ZNF609: variants seen among roughly 807,000 people sequenced by gnomAD.
ZNF609 encodes the protein zinc finger protein 609.
In ZNF609, 11 loss-of-function variants were observed where a neutral mutation model predicts 109.5. The observed-to-expected ratio is 0.10, with a 90% confidence interval of 0.06 to 0.17. The LOEUF (loss-of-function observed/expected upper bound fraction) is 0.17, where lower values mean the gene tolerates loss of function less well. Ranked by LOEUF, ZNF609 falls within the 10% of genes least tolerant of loss-of-function variation. The pLI, the probability that ZNF609 is intolerant of heterozygous loss-of-function variation, is 1.00. For synonymous variants in ZNF609, 646 were observed against 662.0 expected (o/e 0.98, Z 0.37); for missense variants, 1,559 against 1,772.4 (o/e 0.88, Z 2.16).
intron 2 of ZNF609, among the ~76,000 whole-genome samples, chr15:64,512,654 G>A (rs1893749831): frequency 6.6e-6 from 1 of 151,978 alleles, no homozygotes; most frequent in Admixed American, 6.6e-5. Context: ...CTTTGTTGTT[G>A]ATTTTTTTTA....
intron 4 of ZNF609, among the ~76,000 whole-genome samples, chr15:64,670,977 A>G (rs1442138567): frequency 6.6e-6 from 1 of 151,854 alleles, no homozygotes; most frequent in Non-Finnish European, 1.5e-5. Context: ...TGGGAGGCCA[A>G]GGCGGGTGGA....
intron 2 of ZNF609, among the ~76,000 whole-genome samples, chr15:64,609,921 G>A (rs562385046): frequency 4.6e-5 from 7 of 151,708 alleles, no homozygotes; most frequent in Admixed American, 2.6e-4. Flanking sequence ...CCAGCTGCTC[G>A]GGAGGCTGAG....
intron 3 of ZNF609, among the ~76,000 whole-genome samples, chr15:64,658,148 C>G (rs1234960976): frequency 1.3e-5 from 2 of 152,172 alleles, no homozygotes; most frequent in Non-Finnish European, 2.9e-5. Flanking sequence ...TTATGTGTAG[C>G]AGTTCTTATA....
chr15:64,550,586 C>G (rs1481075428), intron 2 of ZNF609, among the ~76,000 whole-genome samples: 1 of 151,856 alleles, frequency 6.6e-6, no homozygotes, highest in Non-Finnish European at 1.5e-5. Context: ...GTGACTCATG[C>G]CTGTAATCCC....
intron 2 of ZNF609, among the ~76,000 whole-genome samples, chr15:64,610,433 C>T (rs1895698338): frequency 6.6e-6 from 1 of 152,086 alleles, no homozygotes; most frequent in Non-Finnish European, 1.5e-5. Context: ...ACCCCAGTGA[C>T]AGTTTACCTG....
At chr15:64,658,475 G>A (rs1012740495) in intron 3 of ZNF609, among the ~76,000 whole-genome samples, 2 of 152,004 alleles carry the variant, frequency 1.3e-5, no homozygotes, top group African/African-American at 4.8e-5. Context: ...GGGATTACAG[G>A]TGTGAGCCAC....
At chr15:64,466,059 T>C (rs939398221) in intron 1 of ZNF609, among the ~76,000 whole-genome samples, 4 of 131,142 alleles carry the variant, frequency 3.1e-5, no homozygotes, top group Non-Finnish European at 6.1e-5. Flanking sequence ...GAGGTTGCAG[T>C]GAGCTGAGAT....
chr15:64,677,996 T>C, intron 5 of ZNF609, 120 bp from the exon 6 acceptor site: 2 of 1,366,156 alleles, frequency 1.5e-6, no homozygotes. Context: ...GCCAAAATCC[T>C]ACTCTGCCCC....
At chr15:64,606,918 C>T (rs982714501) in intron 2 of ZNF609, among the ~76,000 whole-genome samples, 3 of 151,770 alleles carry the variant, frequency 2.0e-5, no homozygotes, top group Non-Finnish European at 2.9e-5. Flanking sequence ...CCGAGGCTGG[C>T]GGATCACCCT....
At chr15:64,648,185 G>C (rs977861441) in intron 3 of ZNF609, among the ~76,000 whole-genome samples, 1 of 152,108 alleles carries the variant, frequency 6.6e-6, no homozygotes, top group Non-Finnish European at 1.5e-5. Flanking sequence ...GTGAGGCAGC[G>C]TAGTTAAAAA....
intron 2 of ZNF609, among the ~76,000 whole-genome samples, chr15:64,594,996 C>T (rs1396758003): frequency 2.3e-5 from 3 of 132,018 alleles, no homozygotes; most frequent in South Asian, 2.4e-4. Context: ...AGCGAGGCTC[C>T]GTCTCAAAAA....
intron 1 of ZNF609, among the ~76,000 whole-genome samples, chr15:64,480,841 A>C (rs1893241652): frequency 1.3e-5 from 2 of 152,220 alleles, no homozygotes; most frequent in Non-Finnish European, 1.5e-5. Context: ...AAATTAGGTC[A>C]GATAGTAATA....
Position 64,670,409 on chromosome 15 carries a change from C to T in ZNF609, c.1037C>T (p.Thr346Ile). ...TATGTAGGTACACTCCTTGACTGCACACGACATGATTGGGCACCCCCAAGG... is the reference window on the plus strand; with the variant it reads ...TATGTAGGTACACTCCTTGACTGCATACGACATGATTGGGCACCCCCAAGG... ...KTYVGTLLDC[T>I]RHDWAPPRFC... is the part of the protein sequence containing the mutation. Residue 346 changes from threonine (T) to isoleucine (I), a missense_variant, in exon 4 of 10, where the codon ACA (threonine) becomes ATA (isoleucine). This residue lies in a region of ZNF609 where 38 missense variants were observed against 82.1 expected (regional missense o/e 0.46). Transcript: ENST00000326648. 1.2e-6 allele frequency: 2 copies of T among 1,614,144 alleles called. No homozygotes were observed. Among genetic ancestry groups the T allele is most frequent in the Non-Finnish European group, 1.7e-6 (2 of 1,179,992 alleles).
chr15:64,672,628 A>G (rs1276603754), intron 4 of ZNF609, among the ~76,000 whole-genome samples: 1 of 148,280 alleles, frequency 6.7e-6, no homozygotes, highest in Non-Finnish European at 1.5e-5. Flanking sequence ...CCATCTCAAA[A>G]AAAAAAAAAG....
chr15:64,534,505 G>C (rs1034302728), intron 2 of ZNF609, among the ~76,000 whole-genome samples: 11 of 151,930 alleles, frequency 7.2e-5, no homozygotes, highest in African/African-American at 2.7e-4. Context: ...AGTAAAGATG[G>C]GGTTTCACCG....
rs776853566 is a variant in ZNF609 at position 64,680,740 on chromosome 15, G to A, written c.4040G>A (p.Gly1347Asp). ...AGCAGCGTCGGGGGAGCAAGTGGGGGTGAACGGAGTGTTGACCGGCCCCGC... is the reference window on the plus strand; with the variant it reads ...AGCAGCGTCGGGGGAGCAAGTGGGGATGAACGGAGTGTTGACCGGCCCCGC... Reference protein sequence around the residue: ...SCSSVGGASGGERSVDRPRTS... With the variant: ...SCSSVGGASGDERSVDRPRTS... The change falls in exon 8 of 10, where the codon GGT (glycine) becomes GAT (aspartate). Residue 1347 changes from glycine (G) to aspartate (D), a missense_variant. Physicochemically the swap from Gly to Asp is moderately conservative, Grantham distance 94. Coordinates refer to ENST00000326648, the MANE Select transcript of ZNF609 (RefSeq NM_015042.2). The A allele has an allele frequency of 5.0e-6, 8 of 1,613,382 alleles. No individual in the cohort carries two copies. In the African/African-American group the frequency reaches 1.1e-4, roughly 22 times the overall value.
At chr15:64,476,813 A>G (rs1372576522) in intron 1 of ZNF609, among the ~76,000 whole-genome samples, 2 of 152,192 alleles carry the variant, frequency 1.3e-5, no homozygotes, top group African/African-American at 4.8e-5. Context: ...TGGGTGAGGT[A>G]GGCCTCTGAC....
chr15:64,665,355 T>C (rs948057023), intron 3 of ZNF609, among the ~76,000 whole-genome samples: 3 of 152,194 alleles, frequency 2.0e-5, no homozygotes, highest in Non-Finnish European at 4.4e-5. Context: ...CTTGAGTAAA[T>C]GATTTATCCT....
At chr15:64,567,357 C>G (rs1424949230) in intron 2 of ZNF609, among the ~76,000 whole-genome samples, 2 of 151,756 alleles carry the variant, frequency 1.3e-5, no homozygotes, top group Non-Finnish European at 1.5e-5. Flanking sequence ...TGGTGCGCAC[C>G]TGTAGTCTCA....
Sources: allele counts gnomAD v4.1 joint callset (sites outside exome capture counted in the v4.1 genomes callset), GRCh38; gene constraint gnomAD v4.1.1; regional missense constraint gnomAD v4.1.1; transcripts MANE v1.5; gene names NCBI Gene and HGNC (gene_info 2026-07-23, HGNC 2026-07-21).